The following DENND1A variants were observed in gnomAD, a reference collection of about 807,000 sequenced individuals.
DENND1A encodes DENN domain-containing protein 1A.
DENND1A carries 51 observed loss-of-function variants against 113.7 expected under a neutral mutation model. The observed-to-expected ratio is 0.45, with a 90% CI of 0.36 to 0.57. The LOEUF (loss-of-function observed/expected upper bound fraction) is 0.57. Among genes scored for constraint, DENND1A ranks in the 20% least tolerant of loss-of-function variants. DENND1A has a pLI of 0.00. For synonymous variants in DENND1A, 565 were observed against 570.8 expected (o/e 0.99, Z 0.14); for missense variants, 1,258 against 1,395.9 (o/e 0.90, Z 1.57).
intron 10 of DENND1A, among the ~76,000 whole-genome samples, chr9:123,627,540 G>C (rs1282689742): frequency 2.0e-5 from 3 of 152,124 alleles, no homozygotes; most frequent in Non-Finnish European, 4.4e-5. Context: ...AGGAGATCGA[G>C]ACCATCCTGG....
At chr9:123,843,868 T>C (rs1842186371) in intron 2 of DENND1A, among the ~76,000 whole-genome samples, 1 of 152,164 alleles carries the variant, frequency 6.6e-6, no homozygotes, top group South Asian at 2.1e-4. Flanking sequence ...TAAAATAAAG[T>C]ACTTACGATA....
chr9:123,479,042 T>C (rs1279331124), intron 13 of DENND1A, among the ~76,000 whole-genome samples: 1 of 152,186 alleles, frequency 6.6e-6, no homozygotes, highest in Non-Finnish European at 1.5e-5. Context: ...AGCCAAGGTC[T>C]CTCCTCTCAG....
chr9:123,512,539 C>T (rs73665308), intron 13 of DENND1A, among the ~76,000 whole-genome samples: 5,593 of 152,300 alleles, frequency 0.037, 299 homozygotes, highest in African/African-American at 0.13. Context: ...AGTTCCTTCG[C>T]GGCACTTTTC....
At chr9:123,765,199 T>C (rs1257812043) in intron 4 of DENND1A, among the ~76,000 whole-genome samples, 1 of 152,264 alleles carries the variant, frequency 6.6e-6, no homozygotes, top group Middle Eastern at 3.4e-3. Context: ...ATGGATCTTA[T>C]GGAGGCAGTA....
At chr9:123,825,916 G>A (rs531416922) in intron 2 of DENND1A, among the ~76,000 whole-genome samples, 3 of 152,166 alleles carry the variant, frequency 2.0e-5, no homozygotes, top group South Asian at 4.1e-4. Flanking sequence ...AAAGCTTTAC[G>A]AGCTATCACA....
At chr9:123,425,511 C>T (rs891614063) in intron 19 of DENND1A, among the ~76,000 whole-genome samples, 12 of 152,272 alleles carry the variant, frequency 7.9e-5, no homozygotes, top group African/African-American at 2.9e-4. Flanking sequence ...TCTTGCTCTG[C>T]TGAACCGACT....
In DENND1A at chr9:123,835,670, A is replaced by G. The variant is rs544274588; in HGVS notation, c.89-43040T>C. Among the ~76,000 whole-genome samples the G allele has an allele frequency of 1.0e-3, 152 of 152,020 alleles. 1 individual carries two copies. Among genetic ancestry groups the G allele is most frequent in the South Asian group, 7.5e-3 (36 of 4,820 alleles). On this transcript the variant is annotated intron_variant, in intron 2 of 23. Transcript: ENST00000394215. The stretch of plus-strand genomic sequence containing the variant: ...CCTCTTGATTTCCAGGAAAAAAAAA[A>G]AAAAAAGAAAAAACCTGAGTACCTT...
chr9:123,918,040 G>C (rs1564504779), intron 1 of DENND1A, among the ~76,000 whole-genome samples: 1 of 151,326 alleles, frequency 6.6e-6, no homozygotes, highest in Admixed American at 6.6e-5. Flanking sequence ...CGTGAGCCCG[G>C]AAGGCAGAGC....
intron 12 of DENND1A, among the ~76,000 whole-genome samples, chr9:123,580,290 G>T (rs2058827375): frequency 6.6e-6 from 1 of 152,164 alleles, no homozygotes; most frequent in Non-Finnish European, 1.5e-5. Flanking sequence ...CTTGGAATTT[G>T]CCATCTTCAG....
At chr9:123,894,269 G>A (rs140465288) in intron 1 of DENND1A, among the ~76,000 whole-genome samples, 416 of 152,254 alleles carry the variant, frequency 2.7e-3, no homozygotes, top group African/African-American at 9.7e-3. Context: ...AGTAAACAAC[G>A]TTCAGAACTG....
At chr9:123,778,568 C>T (rs1207406141) in intron 3 of DENND1A, among the ~76,000 whole-genome samples, 2 of 152,196 alleles carry the variant, frequency 1.3e-5, no homozygotes, top group Non-Finnish European at 2.9e-5. Context: ...AGCCGGCAAA[C>T]TTTTCTCAAA....
intron 1 of DENND1A, among the ~76,000 whole-genome samples, chr9:123,890,457 GTTCT>G (rs1402350979): frequency 6.6e-6 from 1 of 152,168 alleles, no homozygotes; most frequent in Non-Finnish European, 1.5e-5. Context: ...TTGCTTTTAT[GTTCT>G]TTCTTATTTA....
Position 123,381,430 on chromosome 9 carries a change from G to A in DENND1A, c.*2C>T, listed in dbSNP as rs930254388. On this transcript the variant is annotated 3_prime_UTR_variant, in exon 24 of 24. Coordinates refer to ENST00000394215, the MANE Select transcript of DENND1A (RefSeq NM_001352964.2). The surrounding 1 kb of genome is among the most constrained non-coding windows in gnomAD (Gnocchi z 4.7). ...GTGCATCCCCCACCCTCAGGGCCCG[G>A]CTCACTCGAAGGTCTCCCACTGCTT... The A allele has an allele frequency of 1.9e-6, 3 of 1,612,680 alleles. No individual in the cohort carries two copies. The highest frequency in any genetic ancestry group is 3.3e-5 in the Admixed American group (2 of 60,018).
intron 13 of DENND1A, among the ~76,000 whole-genome samples, chr9:123,519,377 C>G (rs2054202528): frequency 6.6e-6 from 1 of 152,326 alleles, no homozygotes; most frequent in African/African-American, 2.4e-5. Flanking sequence ...CCTCCCTCCT[C>G]CTCCATGAGG....
chr9:123,520,898 T>C (rs1448730505), intron 13 of DENND1A, among the ~76,000 whole-genome samples: 2 of 152,240 alleles, frequency 1.3e-5, no homozygotes, highest in Admixed American at 6.5e-5. Flanking sequence ...GAGAAAAACC[T>C]TGCTGTTAGT....
intron 2 of DENND1A, among the ~76,000 whole-genome samples, chr9:123,837,542 G>T: frequency 6.6e-6 from 1 of 152,200 alleles, no homozygotes; most frequent in South Asian, 2.1e-4. Context: ...ACTATCCAGG[G>T]ATAAGGTATG....
chr9:123,866,689 TG>T (rs1845835829), intron 2 of DENND1A, among the ~76,000 whole-genome samples: 1 of 152,222 alleles, frequency 6.6e-6, no homozygotes, highest in South Asian at 2.1e-4. Context: ...ACAAGAATGC[TG>T]GTTTGTACCA....
chr9:123,886,507 G>A (rs747668457), intron 1 of DENND1A, among the ~76,000 whole-genome samples: 8 of 152,180 alleles, frequency 5.3e-5, no homozygotes, highest in Non-Finnish European at 7.4e-5. Context: ...GGGCTGAGGT[G>A]TACCGTTTAA....
At chr9:123,799,668 A>T (rs1834322464) in intron 2 of DENND1A, among the ~76,000 whole-genome samples, 1 of 152,254 alleles carries the variant, frequency 6.6e-6, no homozygotes, top group South Asian at 2.1e-4. Flanking sequence ...TATGAGGCCA[A>T]GTTCCATGTC....
Sources: gnomAD v4.1 joint callset for allele counts (sites outside exome capture counted in the v4.1 genomes callset) on GRCh38, gnomAD v4.1.1 for gene constraint, Gnocchi (gnomAD v3.1) non-coding constraint, MANE v1.5 for transcripts, NCBI Gene and HGNC (gene_info 2026-07-23, HGNC 2026-07-21) for gene names.